SLC24A2: variants seen among roughly 807,000 people sequenced by gnomAD.
SLC24A2 encodes the protein solute carrier family 24 member 2, also known as sodium/potassium/calcium exchanger 2.
In SLC24A2, 36 loss-of-function variants were observed where a neutral mutation model predicts 62.0. That is an observed-to-expected ratio of 0.58 (90% CI 0.44 to 0.77). SLC24A2 has a LOEUF of 0.77. Among genes scored for constraint, SLC24A2 ranks in the 30% least tolerant of loss-of-function variants. SLC24A2 has a pLI of 0.00. For synonymous variants in SLC24A2, 358 were observed against 294.0 expected (o/e 1.22, Z -2.23); for missense variants, 846 against 817.9 (o/e 1.03, Z -0.42).
the SLC24A2 span, among the ~76,000 whole-genome samples, chr9:20,259,692 G>A: frequency 6.6e-6 from 1 of 152,104 alleles, no homozygotes; most frequent in East Asian, 1.9e-4. Flanking sequence ...TCAAGCCTCT[G>A]GAGAGAGACT....
At chr9:19,849,725 C>G in the SLC24A2 span, among the ~76,000 whole-genome samples, 2 of 152,288 alleles carry the variant, frequency 1.3e-5, no homozygotes, top group East Asian at 1.9e-4. Context: ...AACTAAACGT[C>G]TCTGTCCTTC....
chr9:20,150,385 A>G, the SLC24A2 span, among the ~76,000 whole-genome samples: 6 of 151,972 alleles, frequency 3.9e-5, no homozygotes, highest in Non-Finnish European at 7.4e-5. Flanking sequence ...TTGTTCTTCA[A>G]TCTGTGACCT....
the SLC24A2 span, among the ~76,000 whole-genome samples, chr9:19,827,942 GT>G: frequency 1.7e-4 from 26 of 152,270 alleles, no homozygotes; most frequent in Admixed American, 3.3e-4. Context: ...ATTCATCTGA[GT>G]AATTCTCACA....
chr9:19,533,003 TG>T (rs1833779419), intron 8 of SLC24A2, among the ~76,000 whole-genome samples: 1 of 152,354 alleles, frequency 6.6e-6, no homozygotes, highest in African/African-American at 2.4e-5. Flanking sequence ...TCTTTTACTT[TG>T]GAAACAAAGC....
intron 4 of SLC24A2, among the ~76,000 whole-genome samples, chr9:19,601,359 A>G (rs1206188698): frequency 6.6e-6 from 1 of 152,194 alleles, no homozygotes; most frequent in Non-Finnish European, 1.5e-5. Context: ...AAATAAGGGA[A>G]TAAAAGCTGA....
rs1212504748 is a variant in SLC24A2 at position 19,599,770 on chromosome 9, C to T, written c.1079-2491G>A. Among the ~76,000 whole-genome samples the T allele has an allele frequency of 2.0e-5, 3 of 152,144 alleles. No individual in the cohort carries two copies. The highest frequency in any genetic ancestry group is 6.5e-5 in the Admixed American group (1 of 15,270). ...CATGCACTTGGCTGGGGTCCTACAG[C>T]CCATGATGCCTCCTGGAACGTACCC... On this transcript the variant is annotated intron_variant, in intron 4 of 10. Transcript: ENST00000341998. The surrounding 1 kb of genome is among the most constrained non-coding windows in gnomAD (Gnocchi z 4.5).
In SLC24A2 at chr9:19,770,652, G is replaced by C. The variant is rs1351389538; in HGVS notation, c.930+15285C>G. Among the ~76,000 whole-genome samples, 3 of 152,128 alleles carry C rather than the reference G, an allele frequency of 2.0e-5. No individual in the cohort carries two copies. In the East Asian group the frequency reaches 5.8e-4, roughly 29 times the overall value. On this transcript the variant is annotated intron_variant, in intron 2 of 10. Transcript: ENST00000341998. The stretch of plus-strand genomic sequence containing the variant: ...AAATTGGAAACAGATAAATGCATAG[G>C]TAACTTGTAAAATATTGGAGCATGT...
chr9:20,304,011 TCTCAG>T, the SLC24A2 span, among the ~76,000 whole-genome samples: 1 of 152,212 alleles, frequency 6.6e-6, no homozygotes, highest in Non-Finnish European at 1.5e-5. Flanking sequence ...CCACTGAGAA[TCTCAG>T]CTACATTTCA....
chr9:20,276,933 T>C, the SLC24A2 span, among the ~76,000 whole-genome samples: 2 of 152,236 alleles, frequency 1.3e-5, no homozygotes, highest in Admixed American at 1.3e-4. Context: ...CAGCAAGGCC[T>C]TGGACCTGGC....
chr9:20,281,911 A>G, the SLC24A2 span, among the ~76,000 whole-genome samples: 2 of 152,254 alleles, frequency 1.3e-5, no homozygotes, highest in Non-Finnish European at 2.9e-5. Flanking sequence ...TTCTCTCAAT[A>G]TTGTTTTGTA....
At chr9:19,539,384 C>G (rs1242996433) in intron 8 of SLC24A2, among the ~76,000 whole-genome samples, 10 of 151,178 alleles carry the variant, frequency 6.6e-5, no homozygotes, top group Admixed American at 6.6e-4. Flanking sequence ...GAATGTGTCC[C>G]AGAGATTCTG....
At chr9:20,076,115 G>C in the SLC24A2 span, among the ~76,000 whole-genome samples, 1 of 151,642 alleles carries the variant, frequency 6.6e-6, no homozygotes, top group African/African-American at 2.4e-5. Context: ...GAATATTTTT[G>C]AGCTGCATTT....
At chr9:19,934,419 C>T in the SLC24A2 span, among the ~76,000 whole-genome samples, 1 of 152,104 alleles carries the variant, frequency 6.6e-6, no homozygotes, top group African/African-American at 2.4e-5. The surrounding 1 kb of genome is among the most constrained non-coding windows in gnomAD (Gnocchi z 4.1). Flanking sequence ...GAGAGTGTAT[C>T]CCGGACCCCC....
In SLC24A2 at chr9:19,608,160, C is replaced by T. The variant is rs143593216; in HGVS notation, c.1079-10881G>A. On this transcript the variant is annotated intron_variant, in intron 4 of 10. Transcript: ENST00000341998. ...ATTCATTTACCAGGCGGAGGCTGCA[C>T]GCAAACATCTTGGTAGTATAAGCTG... Among the ~76,000 whole-genome samples, 5 of 152,200 alleles carry T rather than the reference C, an allele frequency of 3.3e-5. No individual in the cohort carries two copies. In the South Asian group the frequency reaches 8.3e-4, roughly 25 times the overall value.
intron 7 of SLC24A2, among the ~76,000 whole-genome samples, chr9:19,557,814 C>G (rs1045723117): frequency 3.6e-5 from 5 of 139,286 alleles, no homozygotes; most frequent in African/African-American, 1.3e-4. Context: ...GCTCACATTT[C>G]TTTTTTTTTT....
the SLC24A2 span, among the ~76,000 whole-genome samples, chr9:20,191,266 C>G: frequency 6.6e-6 from 1 of 151,836 alleles, no homozygotes; most frequent in Admixed American, 6.6e-5. Context: ...TGATGATCTC[C>G]TTAGTAAGTA....
chr9:20,107,853 A>G, the SLC24A2 span, among the ~76,000 whole-genome samples: 2 of 152,194 alleles, frequency 1.3e-5, no homozygotes, highest in Non-Finnish European at 2.9e-5. Flanking sequence ...ATGGGATCTA[A>G]TTAACCTAAA....
At chr9:20,249,985 T>G in the SLC24A2 span, among the ~76,000 whole-genome samples, 1 of 152,220 alleles carries the variant, frequency 6.6e-6, no homozygotes, top group Non-Finnish European at 1.5e-5. Context: ...ACAGAAAATT[T>G]ACATTTATAA....
the SLC24A2 span, among the ~76,000 whole-genome samples, chr9:19,951,018 C>T: frequency 6.6e-6 from 1 of 152,172 alleles, no homozygotes; most frequent in Admixed American, 6.5e-5. Flanking sequence ...CTGGGATGTT[C>T]TCCAGTTAAG....
Sources: gnomAD v4.1 joint callset for allele counts (sites outside exome capture counted in the v4.1 genomes callset) on GRCh38, gnomAD v4.1.1 for gene constraint, Gnocchi (gnomAD v3.1) non-coding constraint, MANE v1.5 for transcripts, NCBI Gene and HGNC (gene_info 2026-07-23, HGNC 2026-07-21) for gene names.